Variants in ANGPT4 observed in about 807,000 individuals in gnomAD.
ANGPT4 encodes angiopoietin-4.
A neutral mutation model predicts 53.0 loss-of-function variants in ANGPT4; 50 were observed. That is an observed-to-expected ratio of 0.94 (90% CI 0.75 to 1.20). The LOEUF is 1.20. Ranked by LOEUF, ANGPT4 falls within the 50% of genes most tolerant of loss-of-function variation. ANGPT4 has a pLI of 0.00. For missense variants in ANGPT4, 648 were observed against 637.1 expected (o/e 1.02, Z -0.18); for synonymous variants, 251 against 259.7 (o/e 0.97, Z 0.32).
At chr20:887,164 C>A (rs1981647716) in intron 3 of ANGPT4, among the ~76,000 whole-genome samples, 1 of 152,234 alleles carries the variant, frequency 6.6e-6, no homozygotes, top group Non-Finnish European at 1.5e-5. Flanking sequence ...GAAATTGAGT[C>A]CAGCTAGGGC....
At position 884,965 on chromosome 20, in the gene ANGPT4, G is replaced by C; in HGVS notation, c.835+113C>G. The C allele has an allele frequency of 3.5e-6, 5 of 1,439,880 alleles. No individual in the cohort carries two copies. The South Asian group carries it at 5.4e-5, about 15-fold the overall frequency. The allele number at this position is 1,439,880 out of a possible 1,614,324, so 89.2% of individuals were successfully genotyped here. A position where few individuals can be genotyped will look rare whatever the true frequency, so the allele number is the denominator to read the frequency against. On this transcript the variant is annotated intron_variant, in intron 4 of 8. Transcript: ENST00000381922. ...TTCTATTTCACAGATGGTCGGGGAG[G>C]GTGGGGCCCGCAATGGCTCCCAGGC...
chr20:872,675 C>G lies in ANGPT4; in HGVS notation c.*285G>C, dbSNP rs1600035832. 4.7e-6 allele frequency: 2 copies of G among 421,066 alleles called. No individual in the cohort carries two copies. Among genetic ancestry groups the G allele is most frequent in the East Asian group, 9.1e-5 (2 of 21,916 alleles). The allele number at this position is 421,066 out of a possible 1,614,324, so 26.1% of individuals were successfully genotyped here. On this transcript the variant is annotated 3_prime_UTR_variant, in exon 9 of 9. Transcript: ENST00000381922. ...AAGTTTGGTCTGTTCTCAGCCCATT[C>G]AAGGTACTGTGACCCTCAGGCAGGG...
chr20:883,711 A>G (rs1257202416), intron 4 of ANGPT4, among the ~76,000 whole-genome samples: 1 of 152,200 alleles, frequency 6.6e-6, no homozygotes, highest in African/African-American at 2.4e-5. Context: ...TTGAGCAGAC[A>G]TTCAGCCTCA....
chr20:908,843 T>C lies in ANGPT4; in HGVS notation c.309+7063A>G, dbSNP rs147037693. Among the ~76,000 whole-genome samples the C allele has an allele frequency of 2.5e-3, 381 of 152,292 alleles. 2 individuals are homozygous for C. Among genetic ancestry groups the C allele is most frequent in the African/African-American group, 8.9e-3 (369 of 41,564 alleles). On this transcript the variant is annotated intron_variant, in intron 1 of 8. Transcript: ENST00000381922. The surrounding 1 kb of genome is among the most constrained non-coding windows in gnomAD (Gnocchi z 4.9). Reference sequence around the variant, plus strand: ...GTCCCAGAATTGAAAGGATGCATGATTTTTTCATGACATTTATGGCATGCT... The same window carrying C: ...GTCCCAGAATTGAAAGGATGCATGACTTTTTCATGACATTTATGGCATGCT...
At chr20:905,804 G>A (rs1282559030) in intron 1 of ANGPT4, among the ~76,000 whole-genome samples, 1 of 152,200 alleles carries the variant, frequency 6.6e-6, no homozygotes, top group East Asian at 1.9e-4. Flanking sequence ...TGCTGCTGCG[G>A]TCTCCCAAGG....
chr20:875,821 T>C (rs1361378124), intron 7 of ANGPT4, among the ~76,000 whole-genome samples: 4 of 152,002 alleles, frequency 2.6e-5, no homozygotes, highest in Admixed American at 1.3e-4. Flanking sequence ...GGAGCCAATT[T>C]GGGAGCAATT....
chr20:880,116 C>T (rs1207087199), intron 5 of ANGPT4, among the ~76,000 whole-genome samples: 1 of 152,216 alleles, frequency 6.6e-6, no homozygotes, highest in South Asian at 2.1e-4. Flanking sequence ...CTCAGTCTCT[C>T]ATCTACCAAC....
chr20:912,627 A>G (rs1982749067), intron 1 of ANGPT4, among the ~76,000 whole-genome samples: 1 of 151,970 alleles, frequency 6.6e-6, no homozygotes, highest in Non-Finnish European at 1.5e-5. Flanking sequence ...AGGGAGGCAG[A>G]AGGAGGGGGA....
chr20:902,067 G>A (rs1229274398), intron 1 of ANGPT4, among the ~76,000 whole-genome samples: 1 of 152,124 alleles, frequency 6.6e-6, no homozygotes, highest in Non-Finnish European at 1.5e-5. Context: ...TGATCCAAAT[G>A]ATGTATTTTT....
intron 1 of ANGPT4, among the ~76,000 whole-genome samples, chr20:890,935 C>T (rs1168786326): frequency 6.6e-6 from 1 of 152,226 alleles, no homozygotes; most frequent in African/African-American, 2.4e-5. Flanking sequence ...GCTGTTTCAG[C>T]TTTCTTCATA....
In ANGPT4 at chr20:872,987, G is replaced by A; in HGVS notation, c.1485C>T (p.Arg495=). 1 of 1,614,112 alleles carries A rather than the reference G, an allele frequency of 6.2e-7. No homozygotes were observed. Among genetic ancestry groups the A allele is most frequent in the Non-Finnish European group, 8.5e-7 (1 of 1,180,018 alleles). Residue 495 remains arginine, a synonymous_variant, in exon 9 of 9, where the codon CGC becomes CGT. Transcript: ENST00000381922. The stretch of plus-strand genomic sequence containing the variant: ...AGATGTCCAAAGGCCGTATCATCAT[G>A]CGAGAGGCACGCAGTGAGTAGCTGG... ...KGPSYSLRAS[R]MMIRPLDI is the part of the protein sequence containing the mutation.
intron 7 of ANGPT4, 21 bp downstream of exon 7, chr20:878,140 C>T (rs764726305): frequency 1.6e-5 from 25 of 1,573,438 alleles, no homozygotes; most frequent in East Asian, 2.3e-5. Flanking sequence ...GCCCCCACAA[C>T]GGCCTGGGCC....
chr20:874,510 G>A, intron 7 of ANGPT4, 96 bp from the exon 8 acceptor site: 1 of 1,525,186 alleles, frequency 6.6e-7, no homozygotes, highest in South Asian at 1.2e-5. Context: ...GTCCCAGGCT[G>A]GGCTTCCCCT....
Position 878,218 on chromosome 20 carries a change from T to C in ANGPT4, c.1163A>G (p.His388Arg). Residue 388 changes from histidine (H) to arginine (R), a missense_variant, in exon 7 of 9, where the codon CAC (histidine) becomes CGC (arginine). By Grantham distance (29) the His-to-Arg change is conservative (BLOSUM62 0). Coordinates refer to ENST00000381922, the MANE Select transcript of ANGPT4 (RefSeq NM_015985.4). The part of the protein sequence containing the change: ...LRVELQDWEG[H>R]EAYAQYEHFH... Reference sequence around the variant, plus strand: ...ATGTTCGTACTGGGCATAGGCCTCGTGGCCTTCCCAGTCTTGCAGCTCCAC... The same window carrying C: ...ATGTTCGTACTGGGCATAGGCCTCGCGGCCTTCCCAGTCTTGCAGCTCCAC... The C allele has an allele frequency of 6.2e-7, 1 of 1,612,714 alleles. No homozygotes were observed.
rs1299007062 is a variant in ANGPT4, at chr20:870,577, A to G, written c.*2383T>C. ...AGAACAGGTGTCTGAGGATAACTCA[A>G]ATCAGCTTCCTGCCCCCTTATAAAA... is the stretch of plus-strand genomic sequence containing the variant. On this transcript the variant is annotated 3_prime_UTR_variant, in exon 9 of 9. Coordinates refer to ENST00000381922, the MANE Select transcript of ANGPT4 (RefSeq NM_015985.4). The G allele has an allele frequency of 6.6e-6, 1 of 152,162 alleles. No individual in the cohort carries two copies. The highest frequency in any genetic ancestry group is 2.4e-5 in the African/African-American group (1 of 41,426). The allele number at this position is 152,162 out of a possible 1,614,324, so 9.4% of individuals were successfully genotyped here. A position where few individuals can be genotyped will look rare whatever the true frequency, so the allele number is the denominator to read the frequency against.
chr20:912,326 C>T (rs973415491), intron 1 of ANGPT4, among the ~76,000 whole-genome samples: 2 of 152,192 alleles, frequency 1.3e-5, no homozygotes, highest in African/African-American at 4.8e-5. Context: ...TCATTCTCCT[C>T]CCAGCCTCCG....
rs17702306 is a variant in ANGPT4, at chr20:916,110, T to G, written c.105A>C (p.Thr35=). ...TRQEADRGCE[T]LVVQHGHCSY... is the part of the protein sequence containing the mutation. ...TACAGTGGCCGTGCTGGACTACAAGTGTCTCGCAGCCCCTATCCGCCTCCT... is the reference window on the plus strand; with the variant it reads ...TACAGTGGCCGTGCTGGACTACAAGGGTCTCGCAGCCCCTATCCGCCTCCT... The change falls in exon 1 of 9, where the codon ACA becomes ACC. Residue 35 remains threonine (T), a synonymous_variant. Coordinates refer to ENST00000381922, the MANE Select transcript of ANGPT4 (RefSeq NM_015985.4). The G allele has an allele frequency of 0.025, 40,877 of 1,614,132 alleles. 636 individuals are homozygous for G. Among genetic ancestry groups the G allele is most frequent in the Middle Eastern group, 0.048 (294 of 6,062 alleles).
In ANGPT4 at chr20:912,463, C is replaced by T. The variant is rs567847391; in HGVS notation, c.309+3443G>A. On this transcript the variant is annotated intron_variant, in intron 1 of 8. Coordinates refer to ENST00000381922, the MANE Select transcript of ANGPT4 (RefSeq NM_015985.4). ...AGAGATGCCTGCACTGCAGCCGGCT[C>T]TGTCCCCCAACCTCCTCAATATTCC... Among the ~76,000 whole-genome samples, 16 of 152,318 alleles carry T rather than the reference C, an allele frequency of 1.1e-4. No individual in the cohort carries two copies. The East Asian group carries it at 2.9e-3, about 28-fold the overall frequency.
At chr20:909,394 C>T (rs1211287275) in intron 1 of ANGPT4, among the ~76,000 whole-genome samples, 4 of 152,196 alleles carry the variant, frequency 2.6e-5, no homozygotes, top group African/African-American at 9.7e-5. Context: ...ATGTGTGTAT[C>T]ATCACCTCAA....
Sources: gnomAD v4.1 joint callset for allele counts (sites outside exome capture counted in the v4.1 genomes callset) on GRCh38, gnomAD v4.1.1 for gene constraint, Gnocchi (gnomAD v3.1) non-coding constraint, MANE v1.5 for transcripts, NCBI Gene and HGNC (gene_info 2026-07-23, HGNC 2026-07-21) for gene names.